The following PGR variants were observed in gnomAD, a reference collection of about 807,000 sequenced individuals.
PGR encodes progesterone receptor.
Under a neutral mutation model 76.1 loss-of-function variants are expected in PGR, and 25 were observed. That is an observed-to-expected ratio of 0.33 (90% CI 0.24 to 0.46). The LOEUF (loss-of-function observed/expected upper bound fraction) is 0.46. Ranked by LOEUF, PGR falls within the 20% of genes least tolerant of loss-of-function variation. The pLI is 1.00. For synonymous variants in PGR, 579 were observed against 535.0 expected (o/e 1.08, Z -1.14); for missense variants, 1,172 against 1,225.3 (o/e 0.96, Z 0.65).
At chr11:101,045,444 A>AC (rs1333048101) in intron 6 of PGR, among the ~76,000 whole-genome samples, 1 of 151,812 alleles carries the variant, frequency 6.6e-6, no homozygotes, top group Non-Finnish European at 1.5e-5. Context: ...GTAATGTCTC[A>AC]CCCCCCTCCT....
In PGR at chr11:101,035,328, T is replaced by C. The variant is rs1290575477; in HGVS notation, c.*3788A>G. The C allele has an allele frequency of 4.3e-6, 1 of 230,426 alleles. No homozygotes were observed. The highest frequency in any genetic ancestry group is 8.6e-6 in the Non-Finnish European group (1 of 116,312). The allele number at this position is 230,426 out of a possible 1,614,324, so 14.3% of individuals were successfully genotyped here. On this transcript the variant is annotated 3_prime_UTR_variant, in exon 8 of 8. Coordinates refer to ENST00000325455, the MANE Select transcript of PGR (RefSeq NM_000926.4). ...TTTTAAAATGATTCATATTCTATCCTGACTTCTGATGTGTGAAGGATAAGT... is the reference window on the plus strand; with the variant it reads ...TTTTAAAATGATTCATATTCTATCCCGACTTCTGATGTGTGAAGGATAAGT...
chr11:101,033,277 C>G lies in PGR; in HGVS notation c.*5839G>C, dbSNP rs966755651. On this transcript the variant is annotated 3_prime_UTR_variant, in exon 8 of 8. Transcript: ENST00000325455. ...GGCAAATTCTGGAAAGTATTTCTAC[C>G]TTATGGAGAACAAGCAGAGCCACAT... is the stretch of plus-strand genomic sequence containing the variant. The G allele has an allele frequency of 4.9e-6, 1 of 206,150 alleles. No homozygotes were observed. The highest frequency in any genetic ancestry group is 9.9e-6 in the Non-Finnish European group (1 of 100,992). The allele number at this position is 206,150 out of a possible 1,614,324, so 12.8% of individuals were successfully genotyped here.
At chr11:101,114,955 T>G (rs905632332) in intron 2 of PGR, among the ~76,000 whole-genome samples, 9 of 152,204 alleles carry the variant, frequency 5.9e-5, no homozygotes, top group African/African-American at 2.2e-4. Flanking sequence ...AAACACCCCA[T>G]TGTGCATTCC....
chr11:101,074,122 TCCA>T (rs1391135273), intron 3 of PGR, among the ~76,000 whole-genome samples: 1 of 152,114 alleles, frequency 6.6e-6, no homozygotes, highest in Non-Finnish European at 1.5e-5. Context: ...AAAAAGCTTA[TCCA>T]CCATGATCAG....
Position 101,032,101 on chromosome 11 carries a change from T to C in PGR, c.*7015A>G. ...ATGAAAAATTTGTAATTTCAACACA[T>C]AAGCAAAATAATTAGACATCTGGCC... On this transcript the variant is annotated 3_prime_UTR_variant, in exon 8 of 8. Transcript: ENST00000325455. 1 of 232,868 alleles carries C rather than the reference T, an allele frequency of 4.3e-6. No homozygotes were observed. The highest frequency in any genetic ancestry group is 6.1e-5 in the East Asian group (1 of 16,486). 14.4% of individuals were successfully genotyped at this position (232,868 alleles called of 1,614,324 possible).
chr11:101,042,752 TG>T (rs1427294606), intron 6 of PGR, among the ~76,000 whole-genome samples: 1 of 152,170 alleles, frequency 6.6e-6, no homozygotes, highest in African/African-American at 2.4e-5. Context: ...AAGGAAATAT[TG>T]CAACAAAGTG....
chr11:101,055,147 G>T (rs1405553556), intron 4 of PGR, among the ~76,000 whole-genome samples: 3 of 151,976 alleles, frequency 2.0e-5, no homozygotes, highest in Non-Finnish European at 4.4e-5. Flanking sequence ...GGGCGCAGTG[G>T]CTCACGCCTG....
intron 4 of PGR, among the ~76,000 whole-genome samples, chr11:101,055,872 CA>C (rs1860270685): frequency 1.3e-5 from 2 of 152,070 alleles, no homozygotes; most frequent in African/African-American, 4.8e-5. Context: ...AATCTTATTA[CA>C]ATAACTTTAA....
At chr11:101,100,605 CCACA>C (rs10682415) in intron 2 of PGR, among the ~76,000 whole-genome samples, 3,121 of 147,586 alleles carry the variant, frequency 0.021, 82 homozygotes, top group African/African-American at 0.073. Context: ...TATTTTGAAT[CCACA>C]CACACACACA....
chr11:101,128,298 G>C lies in PGR; in HGVS notation c.773C>G (p.Pro258Arg), dbSNP rs771950812. The C allele has an allele frequency of 6.3e-7, 1 of 1,592,882 alleles. No individual in the cohort carries two copies. Among genetic ancestry groups the C allele is most frequent in the East Asian group, 2.3e-5 (1 of 44,416 alleles). Residue 258 changes from proline to arginine, a missense_variant, in exon 1 of 8, where the codon CCG becomes CGG. Pro to Arg is a moderately radical substitution (Grantham distance 103). This residue lies in a region of PGR where 893 missense variants were observed against 785.9 expected (regional missense o/e 1.14). Transcript: ENST00000325455. ...AAGGGAAAVP[P>R]GAAAGGVALV... ...GGCGACGCCTCCTGCTGCCGCCCCCGGCGGGACAGCCGCGGCTCCTCCTCC... is the reference window on the plus strand; with the variant it reads ...GGCGACGCCTCCTGCTGCCGCCCCCCGCGGGACAGCCGCGGCTCCTCCTCC...
intron 3 of PGR, among the ~76,000 whole-genome samples, chr11:101,072,296 G>A (rs1053587730): frequency 4.0e-5 from 6 of 151,410 alleles, no homozygotes; most frequent in Admixed American, 1.3e-4. Flanking sequence ...TTGTCACCAC[G>A]AGGCCTGCCT....
chr11:101,067,086 C>T (rs1004978283), intron 3 of PGR, among the ~76,000 whole-genome samples: 1 of 152,130 alleles, frequency 6.6e-6, no homozygotes, highest in African/African-American at 2.4e-5. Flanking sequence ...CTTCTATTCT[C>T]CCTCATGCTC....
intron 4 of PGR, 39 bp downstream of exon 4, chr11:101,062,408 T>C (rs1053900544): frequency 4.2e-6 from 6 of 1,432,106 alleles, no homozygotes; most frequent in African/African-American, 2.8e-5. Context: ...AAACATAGTA[T>C]ATTTTTTATT....
At chr11:101,043,512 G>A (rs1045657385) in intron 6 of PGR, among the ~76,000 whole-genome samples, 9 of 152,234 alleles carry the variant, frequency 5.9e-5, no homozygotes. Flanking sequence ...CTTCTCCCAT[G>A]AATCACGAAT....
chr11:101,115,701 G>A (rs1862480650), intron 2 of PGR, among the ~76,000 whole-genome samples: 1 of 152,050 alleles, frequency 6.6e-6, no homozygotes, highest in Admixed American at 6.6e-5. Context: ...AACCCAGGAG[G>A]CAGAGTGCAG....
intron 2 of PGR, among the ~76,000 whole-genome samples, chr11:101,111,867 G>A (rs1003109520): frequency 2.6e-5 from 4 of 152,160 alleles, no homozygotes; most frequent in African/African-American, 9.7e-5. Flanking sequence ...AACCAAGGAA[G>A]TAAGTATATA....
At chr11:101,104,442 T>G (rs187040945) in intron 2 of PGR, among the ~76,000 whole-genome samples, 1 of 152,236 alleles carries the variant, frequency 6.6e-6, no homozygotes. Flanking sequence ...GGCTGTTATA[T>G]GGATTAAGTG....
intron 4 of PGR, among the ~76,000 whole-genome samples, chr11:101,054,930 C>G (rs1308492658): frequency 6.6e-6 from 1 of 151,724 alleles, no homozygotes; most frequent in Non-Finnish European, 1.5e-5. Flanking sequence ...AATACTAAAA[C>G]ACAATGCCAT....
intron 2 of PGR, among the ~76,000 whole-genome samples, chr11:101,125,417 C>G (rs556145833): frequency 1.3e-5 from 2 of 152,038 alleles, no homozygotes; most frequent in Non-Finnish European, 2.9e-5. Context: ...ACTGTTTAAT[C>G]CTGTCCTCTT....
Sources: gnomAD v4.1 joint callset for allele counts (sites outside exome capture counted in the v4.1 genomes callset) on GRCh38, gnomAD v4.1.1 for gene constraint, gnomAD v4.1.1 regional missense constraint, MANE v1.5 for transcripts, NCBI Gene and HGNC (gene_info 2026-07-23, HGNC 2026-07-21) for gene names.